The following GPM6B variants were observed in gnomAD, a reference collection of about 807,000 sequenced individuals.
The protein encoded by GPM6B is neuronal membrane glycoprotein M6-b.
GPM6B carries 4 observed loss-of-function variants against 27.2 expected under a neutral mutation model. That is an observed-to-expected ratio of 0.15 (90% CI 0.07 to 0.34). GPM6B has a LOEUF of 0.34. Among genes scored for constraint, GPM6B ranks in the 10% least tolerant of loss-of-function variants. The pLI, the probability that GPM6B is intolerant of heterozygous loss-of-function variation, is 1.00. For synonymous variants in GPM6B, 124 were observed against 103.1 expected (o/e 1.20, Z -1.23); for missense variants, 183 against 261.9 (o/e 0.70, Z 2.08).
chrX:13,780,158 G>A (rs938719981), intron 4 of GPM6B, among the ~76,000 whole-genome samples, 169 bp from the exon 5 acceptor site: 3 of 111,836 alleles, frequency 2.7e-5, no homozygotes, highest in Admixed American at 9.4e-5. Flanking sequence ...GGGAGCAGGG[G>A]AAGTAAGAGC....
At chrX:13,913,761 G>A (rs1603133886) in intron 1 of GPM6B, among the ~76,000 whole-genome samples, 1 of 110,957 alleles carries the variant, frequency 9.0e-6, no homozygotes, top group Non-Finnish European at 1.9e-5. Flanking sequence ...TCTCCATCAT[G>A]AATTTTTCGA....
intron 1 of GPM6B, among the ~76,000 whole-genome samples, chrX:13,808,636 G>A (rs1457271027): frequency 1.8e-5 from 2 of 110,803 alleles, no homozygotes; most frequent in Non-Finnish European, 1.9e-5. Flanking sequence ...CCTAATAAGG[G>A]GTTATATCCT....
At position 13,789,463 on chromosome X, in the gene GPM6B, G is replaced by A. The variant is rs147716505; in HGVS notation, c.182-3655C>T. ...CTTTCCAGGCCACCTTAAGAATTCT[G>A]GACTTTATCTTCAAAATCATGGGAA... On this transcript the variant is annotated intron_variant, in intron 2 of 7. Transcript: ENST00000316715. 9.2e-3 allele frequency among the ~76,000 whole-genome samples: 1,031 copies of A among 112,126 alleles called. 5 individuals are homozygous for A. The highest frequency in any genetic ancestry group is 0.016 in the Admixed American group (167 of 10,605).
intron 1 of GPM6B, among the ~76,000 whole-genome samples, chrX:13,933,622 GT>G (rs1301655795): frequency 3.6e-5 from 4 of 112,316 alleles, no homozygotes; most frequent in Non-Finnish European, 5.6e-5. Flanking sequence ...AAACGAGAGA[GT>G]TTTTTCCTTT....
chrX:13,920,816 C>T (rs6528027), intron 1 of GPM6B, among the ~76,000 whole-genome samples: 25 of 106,876 alleles, frequency 2.3e-4, no homozygotes, highest in African/African-American at 8.6e-4. Flanking sequence ...GTGTGAACCC[C>T]GGAGGCAGAG....
At chrX:13,858,720 G>A (rs2049809601) in intron 1 of GPM6B, among the ~76,000 whole-genome samples, 1 of 111,461 alleles carries the variant, frequency 9.0e-6, no homozygotes, top group African/African-American at 3.3e-5. Context: ...TCTGTCAGAG[G>A]CCTTCCCTGA....
At chrX:13,884,275 C>T (rs2050113428) in intron 1 of GPM6B, among the ~76,000 whole-genome samples, 1 of 112,744 alleles carries the variant, frequency 8.9e-6, no homozygotes, top group African/African-American at 3.2e-5. Context: ...ACATATGTGG[C>T]TCACATTTCT....
chrX:13,780,988 C>CT, intron 4 of GPM6B: 1 of 307,843 alleles, frequency 3.2e-6, no homozygotes, highest in South Asian at 2.9e-5. Context: ...TTCCCTTGCA[C>CT]TGCAAGGAAG....
intron 1 of GPM6B, among the ~76,000 whole-genome samples, chrX:13,812,608 G>A (rs1486215551): frequency 1.8e-5 from 2 of 111,320 alleles, no homozygotes; most frequent in Admixed American, 9.5e-5. Context: ...GGGGACACTG[G>A]TTATTTTGCA....
intron 1 of GPM6B, among the ~76,000 whole-genome samples, chrX:13,835,589 T>C (rs1033967531): frequency 8.9e-6 from 1 of 112,064 alleles, no homozygotes; most frequent in East Asian, 2.8e-4. Context: ...TTTAGTCATA[T>C]CCACCTTCAA....
intron 2 of GPM6B, among the ~76,000 whole-genome samples, chrX:13,803,797 T>TC (rs2147169974): frequency 9.0e-6 from 1 of 111,201 alleles, no homozygotes; most frequent in Admixed American, 9.5e-5. Context: ...CACTGCCCCT[T>TC]CCCCAAACCC....
intron 1 of GPM6B, among the ~76,000 whole-genome samples, chrX:13,873,374 C>T (rs1398218366): frequency 9.0e-6 from 1 of 110,524 alleles, no homozygotes; most frequent in Non-Finnish European, 1.9e-5. Context: ...GGCTCCATCA[C>T]TTCCCAGTTG....
intron 1 of GPM6B, among the ~76,000 whole-genome samples, chrX:13,812,044 CTTTCTTTTTT>C (rs2049142135): frequency 3.6e-5 from 3 of 82,667 alleles, no homozygotes; most frequent in Non-Finnish European, 2.3e-5. Flanking sequence ...CTTTTCTTTT[CTTTCTTTTTT>C]TTTTTTTTTT....
chrX:13,917,182 C>G (rs780371948), intron 1 of GPM6B, among the ~76,000 whole-genome samples: 1 of 112,185 alleles, frequency 8.9e-6, no homozygotes, highest in South Asian at 3.7e-4. Flanking sequence ...TACTGCACTC[C>G]AGCCTGGGCA....
chrX:13,932,625 C>T (rs192863282), intron 1 of GPM6B, among the ~76,000 whole-genome samples: 1 of 111,758 alleles, frequency 8.9e-6, no homozygotes, highest in Admixed American at 9.5e-5. Context: ...GACAGGAATT[C>T]AAAGGCTTAG....
chrX:13,877,460 A>G (rs1380636891), intron 1 of GPM6B, among the ~76,000 whole-genome samples: 2 of 110,484 alleles, frequency 1.8e-5, no homozygotes, highest in Admixed American at 1.9e-4. Context: ...TATTAAGAAA[A>G]AGAAGTTGTT....
In GPM6B at chrX:13,923,178, G is replaced by GA. The variant is rs1555932569; in HGVS notation, c.-198+15148dup. On this transcript the variant is annotated intron_variant, in intron 1 of 6. Coordinates refer to the GPM6B transcript ENST00000398361. ...ACAACAAGAGTGAAACTCCGTCTCA[G>GA]AAAAAAAAAAAAAACCTAAGCATAC... Among the ~76,000 whole-genome samples the GA allele has an allele frequency of 6.8e-3, 682 of 99,592 alleles. 1 individual carries two copies. The highest frequency in any genetic ancestry group is 0.011 in the Non-Finnish European group (548 of 48,851). The allele number at this position is 99,592 out of a possible 115,157, so 86.5% of individuals were successfully genotyped here.
chrX:13,809,952 GAA>G (rs113730315), intron 1 of GPM6B, among the ~76,000 whole-genome samples: 24,554 of 79,995 alleles, frequency 0.31, 3,957 homozygotes, highest in East Asian at 0.65. Context: ...TCCATCTCAG[GAA>G]AAAAAAAAAA....
At chrX:13,839,197 T>C (rs2049542049) in intron 1 of GPM6B, among the ~76,000 whole-genome samples, 2 of 111,679 alleles carry the variant, frequency 1.8e-5, no homozygotes, top group Admixed American at 1.9e-4. Context: ...TTTGCTGATT[T>C]CAACCCTTCA....
Sources: gnomAD v4.1 joint callset for allele counts (sites outside exome capture counted in the v4.1 genomes callset) on GRCh38, gnomAD v4.1.1 for gene constraint, MANE v1.5 for transcripts, NCBI Gene and HGNC (gene_info 2026-07-23, HGNC 2026-07-21) for gene names.